The following COL23A1 variants were observed in gnomAD, a reference collection of about 807,000 sequenced individuals.
COL23A1 encodes the protein collagen type XXIII alpha 1 chain.
Under a neutral mutation model 99.3 loss-of-function variants are expected in COL23A1, and 97 were observed. The observed-to-expected ratio is 0.98, with a 90% CI of 0.83 to 1.16. COL23A1 has a LOEUF of 1.16. Among genes scored for constraint, COL23A1 ranks in the 50% most tolerant of loss-of-function variants. The pLI, the probability that COL23A1 is intolerant of heterozygous loss-of-function variation, is 0.00. For missense variants in COL23A1, 762 were observed against 757.4 expected (o/e 1.01, Z -0.07); for synonymous variants, 320 against 308.2 (o/e 1.04, Z -0.40).
chr5:178,461,103 T>C (rs1204351338), intron 2 of COL23A1, among the ~76,000 whole-genome samples: 1 of 152,166 alleles, frequency 6.6e-6, no homozygotes, highest in Non-Finnish European at 1.5e-5. Context: ...TTCCACGAAA[T>C]TGTGCAGAGA....
chr5:178,318,408 C>A (rs138419555), intron 2 of COL23A1, among the ~76,000 whole-genome samples: 1 of 152,222 alleles, frequency 6.6e-6, no homozygotes, highest in East Asian at 1.9e-4. Context: ...CAGAGCCCCT[C>A]CCCAGACCCT....
intron 5 of COL23A1, among the ~76,000 whole-genome samples, chr5:178,274,637 A>C (rs1367345147): frequency 3.9e-5 from 6 of 151,968 alleles, no homozygotes; most frequent in African/African-American, 1.5e-4. Context: ...GGCACCGGCC[A>C]TCAGCTGCCC....
intron 5 of COL23A1, among the ~76,000 whole-genome samples, chr5:178,285,301 G>T (rs1041383806): frequency 6.6e-6 from 1 of 152,168 alleles, no homozygotes; most frequent in Non-Finnish European, 1.5e-5. Context: ...CTCTATCCTT[G>T]CTCTTAGAAA....
At chr5:178,540,906 G>A (rs1354892325) in intron 2 of COL23A1, among the ~76,000 whole-genome samples, 1 of 152,042 alleles carries the variant, frequency 6.6e-6, no homozygotes, top group Non-Finnish European at 1.5e-5. Context: ...CAGCCTAGGT[G>A]GACAGAACAA....
intron 2 of COL23A1, among the ~76,000 whole-genome samples, chr5:178,414,605 C>T (rs1284413138): frequency 6.6e-6 from 1 of 152,112 alleles, no homozygotes; most frequent in Non-Finnish European, 1.5e-5. Context: ...AACCCCGTCT[C>T]TACTAAAAAT....
At chr5:178,282,240 A>C (rs1323278686) in intron 5 of COL23A1, among the ~76,000 whole-genome samples, 1 of 152,116 alleles carries the variant, frequency 6.6e-6, no homozygotes, top group Non-Finnish European at 1.5e-5. Context: ...ATGAATGAGG[A>C]ATAGGAGAGG....
rs538710954 is a variant in COL23A1, at chr5:178,559,149, G to A, written c.361+1533C>T. Among the ~76,000 whole-genome samples the A allele has an allele frequency of 4.1e-4, 62 of 152,144 alleles. 1 individual carries two copies. Among genetic ancestry groups the A allele is most frequent in the African/African-American group, 1.4e-3 (60 of 41,506 alleles). The stretch of plus-strand genomic sequence containing the variant: ...ATTCCCTTGTCAAATCCTCTTTCTC[G>A]TATTAAAATCTCAGAGGTCCTATAA... On this transcript the variant is annotated intron_variant, in intron 2 of 28. Transcript: ENST00000390654.
chr5:178,461,025 TGCCCTCTAAG>T (rs1171910334), intron 2 of COL23A1, among the ~76,000 whole-genome samples: 1 of 152,178 alleles, frequency 6.6e-6, no homozygotes, highest in Non-Finnish European at 1.5e-5. Context: ...TTAAGAGAGC[TGCCCTCTAAG>T]GCAGGTTGGG....
intron 2 of COL23A1, among the ~76,000 whole-genome samples, chr5:178,408,974 ATACACAC>A (rs1446024213): frequency 8.0e-4 from 45 of 56,076 alleles, no homozygotes; most frequent in African/African-American, 3.3e-3. Flanking sequence ...AAAAAAAAAA[ATACACAC>A]ACACACACAC....
rs574685148 is a variant in COL23A1 at position 178,515,547 on chromosome 5, C to T, written c.361+45135G>A. On this transcript the variant is annotated intron_variant, in intron 2 of 28. Coordinates refer to ENST00000390654, the MANE Select transcript of COL23A1 (RefSeq NM_173465.4). ...CCAGGCTCCTCAGGCCTCCGACCTA[C>T]CTGCCCATCCTGGTGCACTCAGCAC... 1.4e-4 allele frequency among the ~76,000 whole-genome samples: 21 copies of T among 152,320 alleles called. No homozygotes were observed. The South Asian group carries it at 3.5e-3, about 26-fold the overall frequency.
chr5:178,302,125 G>A (rs528825297), intron 3 of COL23A1, among the ~76,000 whole-genome samples: 14 of 136,276 alleles, frequency 1.0e-4, no homozygotes, highest in African/African-American at 4.0e-4. Context: ...TGTGTGCGCC[G>A]GAGCACGGCT....
intron 25 of COL23A1, among the ~76,000 whole-genome samples, chr5:178,245,533 ATCACCCATCCATCCAT>A (rs201871968): frequency 0.28 from 39,344 of 141,368 alleles, 5,952 homozygotes; most frequent in African/African-American, 0.42. Context: ...CCACTCATCC[ATCACCCATCCATCCAT>A]TCACCCATCC....
chr5:178,359,970 C>T (rs1487808613), intron 2 of COL23A1, among the ~76,000 whole-genome samples: 5 of 152,170 alleles, frequency 3.3e-5, no homozygotes, highest in Non-Finnish European at 5.9e-5. Context: ...GGTGAGCTTA[C>T]GGGAGCGGAA....
At chr5:178,238,919 G>A (rs1764248038) in intron 28 of COL23A1, among the ~76,000 whole-genome samples, 1 of 152,166 alleles carries the variant, frequency 6.6e-6, no homozygotes, top group South Asian at 2.1e-4. Context: ...CCCACAGGAT[G>A]GGTTATACAC....
At chr5:178,579,624 T>C (rs1335280555) in intron 1 of COL23A1, among the ~76,000 whole-genome samples, 1 of 152,142 alleles carries the variant, frequency 6.6e-6, no homozygotes, top group Admixed American at 6.5e-5. Context: ...CGGCTGATTT[T>C]TGTACTTTTA....
intron 2 of COL23A1, among the ~76,000 whole-genome samples, chr5:178,429,434 G>A (rs940833080): frequency 2.0e-5 from 3 of 152,220 alleles, no homozygotes; most frequent in Admixed American, 6.5e-5. Flanking sequence ...ATGCCAAAGC[G>A]AAAGTTAAGC....
intron 2 of COL23A1, among the ~76,000 whole-genome samples, chr5:178,436,100 C>T (rs1422775524): frequency 1.3e-5 from 2 of 152,152 alleles, no homozygotes. Flanking sequence ...GAAGGATGCG[C>T]CTGGCCTCAA....
At chr5:178,558,950 G>A (rs1210887830) in intron 2 of COL23A1, among the ~76,000 whole-genome samples, 1 of 152,014 alleles carries the variant, frequency 6.6e-6, no homozygotes, top group Non-Finnish European at 1.5e-5. Context: ...CACCATGCCT[G>A]GCTAATTTTT....
intron 2 of COL23A1, among the ~76,000 whole-genome samples, chr5:178,537,989 G>A (rs998866408): frequency 6.6e-6 from 1 of 152,240 alleles, no homozygotes; most frequent in Non-Finnish European, 1.5e-5. Flanking sequence ...TATCCGTCCT[G>A]TTGTGACTGG....
Sources: allele counts gnomAD v4.1 joint callset (sites outside exome capture counted in the v4.1 genomes callset), GRCh38; gene constraint gnomAD v4.1.1; transcripts MANE v1.5; gene names NCBI Gene and HGNC (gene_info 2026-07-23, HGNC 2026-07-21).